CDKAL1: variants seen among roughly 807,000 people sequenced by gnomAD.
CDKAL1 encodes threonylcarbamoyladenosine tRNA methylthiotransferase.
Under a neutral mutation model 68.2 loss-of-function variants are expected in CDKAL1, and 32 were observed. The ratio of observed to expected loss-of-function variants is 0.47; its 90% confidence interval spans 0.35 to 0.63. CDKAL1 has a LOEUF of 0.63. Among genes scored for constraint, CDKAL1 ranks in the 30% least tolerant of loss-of-function variants. CDKAL1 has a pLI of 0.00. For missense variants in CDKAL1, 606 were observed against 696.7 expected, an observed-to-expected ratio of 0.87 and a Z score of 1.47; for synonymous variants, 234 against 244.3, an observed-to-expected ratio of 0.96 and a Z score of 0.39.
chr6:20,558,535 G>A, intron 4 of CDKAL1: 2 of 456,718 alleles, frequency 4.4e-6, no homozygotes, highest in Middle Eastern at 3.3e-4. Flanking sequence ...CAGACCTTGT[G>A]TTATAGGTGA....
chr6:21,066,664 C>T (rs924814215), intron 12 of CDKAL1, among the ~76,000 whole-genome samples: 4 of 152,168 alleles, frequency 2.6e-5, no homozygotes, highest in Non-Finnish European at 4.4e-5. Flanking sequence ...CTCTGTTGCC[C>T]AGGCTGGAGT....
At chr6:20,958,615 A>T (rs1227178275) in intron 10 of CDKAL1, among the ~76,000 whole-genome samples, 1 of 152,222 alleles carries the variant, frequency 6.6e-6, no homozygotes, top group Non-Finnish European at 1.5e-5. Context: ...GAAGATGAAA[A>T]CAGAAAAAAA....
chr6:21,040,629 T>C (rs1769867566), intron 11 of CDKAL1, among the ~76,000 whole-genome samples: 1 of 152,206 alleles, frequency 6.6e-6, no homozygotes, highest in African/African-American at 2.4e-5. Context: ...TAATTTCAAA[T>C]TTATTAAAAT....
chr6:20,781,241 T>C lies in CDKAL1; in HGVS notation c.614T>C (p.Ile205Thr). 1 of 1,613,452 alleles carries C rather than the reference T, an allele frequency of 6.2e-7. No individual in the cohort carries two copies. Among genetic ancestry groups the C allele is most frequent in the Non-Finnish European group, 8.5e-7 (1 of 1,179,722 alleles). The change falls in exon 8 of 16, where the codon ATA becomes ACA. Residue 205 changes from isoleucine to threonine, a missense_variant. Transcript: ENST00000274695. ...DLPKIRKNPL[I>T]EIISINTGCL... Reference sequence around the variant, plus strand: ...CCGAAGATTAGGAAGAATCCACTGATAGAAATCATTTCCATCAATACCGGG... The same window carrying C: ...CCGAAGATTAGGAAGAATCCACTGACAGAAATCATTTCCATCAATACCGGG...
intron 9 of CDKAL1, among the ~76,000 whole-genome samples, chr6:20,865,034 A>G (rs1759827128): frequency 6.6e-6 from 1 of 152,166 alleles, no homozygotes; most frequent in Non-Finnish European, 1.5e-5. Flanking sequence ...GTGTGTATCA[A>G]ATAATTTTCC....
At chr6:21,153,235 C>CTTTTTTTTTTT (rs1162272560) in intron 13 of CDKAL1, among the ~76,000 whole-genome samples, 1 of 96,220 alleles carries the variant, frequency 1.0e-5, no homozygotes, top group Admixed American at 1.1e-4. Context: ...TATGTGATTT[C>CTTTTTTTTTTT]TTTTTTTTTT....
chr6:21,045,713 G>A (rs1015782548), intron 11 of CDKAL1, among the ~76,000 whole-genome samples: 9 of 152,332 alleles, frequency 5.9e-5, no homozygotes, highest in African/African-American at 1.9e-4. Context: ...CTAGCTCTGT[G>A]TCCATGGACA....
chr6:20,750,825 G>C (rs1340914974), intron 6 of CDKAL1, among the ~76,000 whole-genome samples: 2 of 151,766 alleles, frequency 1.3e-5, no homozygotes, highest in South Asian at 2.1e-4. Flanking sequence ...TTAGCCGGGT[G>C]TGGTGGCAGG....
At chr6:20,998,108 G>C (rs1188733257) in intron 10 of CDKAL1, among the ~76,000 whole-genome samples, 1 of 152,186 alleles carries the variant, frequency 6.6e-6, no homozygotes, top group East Asian at 1.9e-4. Context: ...CACCGCAATA[G>C]ATATGTCTAA....
At chr6:21,101,294 G>A (rs984519138) in intron 12 of CDKAL1, among the ~76,000 whole-genome samples, 20 of 152,128 alleles carry the variant, frequency 1.3e-4, no homozygotes, top group African/African-American at 3.6e-4. Flanking sequence ...GGAAATACCC[G>A]AGAGCTTTTA....
chr6:20,535,754 ACCTC>A (rs1012389139), intron 2 of CDKAL1, among the ~76,000 whole-genome samples: 5 of 151,452 alleles, frequency 3.3e-5, no homozygotes, highest in Admixed American at 3.3e-4. Flanking sequence ...ACCTTCTCCT[ACCTC>A]TGTTCTCTTT....
At chr6:21,193,782 C>T (rs1005562258) in intron 13 of CDKAL1, among the ~76,000 whole-genome samples, 5 of 152,300 alleles carry the variant, frequency 3.3e-5, no homozygotes, top group Admixed American at 3.3e-4. Flanking sequence ...TGTTACAATT[C>T]TCTTGACGCC....
chr6:20,623,400 A>G (rs1486853770), intron 4 of CDKAL1, among the ~76,000 whole-genome samples: 1 of 152,084 alleles, frequency 6.6e-6, no homozygotes, highest in African/African-American at 2.4e-5. Flanking sequence ...TATATAACAT[A>G]GTTTGTCAGC....
At chr6:20,667,059 G>A (rs566792559) in intron 5 of CDKAL1, among the ~76,000 whole-genome samples, 36 of 152,268 alleles carry the variant, frequency 2.4e-4, no homozygotes, top group Admixed American at 1.8e-3. Context: ...CCATTTGGCA[G>A]CAAATATCCA....
intron 10 of CDKAL1, among the ~76,000 whole-genome samples, chr6:20,968,272 T>C: frequency 6.6e-6 from 1 of 151,302 alleles, no homozygotes; most frequent in East Asian, 2.0e-4. Context: ...ACTTCTCTCA[T>C]GTCAGCATCC....
At chr6:21,180,096 C>T (rs573077605) in intron 13 of CDKAL1, among the ~76,000 whole-genome samples, 1 of 152,338 alleles carries the variant, frequency 6.6e-6, no homozygotes, top group Non-Finnish European at 1.5e-5. Context: ...ACCCAAAGGG[C>T]ATTGGTTTCC....
chr6:20,575,025 T>C (rs1474720), intron 4 of CDKAL1, among the ~76,000 whole-genome samples: 125,329 of 152,082 alleles, frequency 0.82, 52,216 homozygotes, highest in African/African-American at 0.95. Context: ...TATTTCACAA[T>C]ATAATAACTA....
chr6:20,836,866 C>T (rs942522182), intron 8 of CDKAL1, among the ~76,000 whole-genome samples: 4 of 152,006 alleles, frequency 2.6e-5, no homozygotes, highest in Admixed American at 6.6e-5. Flanking sequence ...AGCTGAGGTC[C>T]GCGTGGGAAA....
rs1773959358 is a variant in CDKAL1 at position 21,108,400 on chromosome 6, G to T, written c.1237-1G>T. On this transcript the variant is annotated splice_acceptor_variant, in intron 12 of 15. Transcript: ENST00000274695. LOFTEE classifies it high-confidence loss of function. ...TTTGTTTTTTTTGTTTTTTTTCACA[G>T]AAAAAGCAAAGGACAAAAGATCTTT... 1 of 1,597,736 alleles carries T rather than the reference G, an allele frequency of 6.3e-7. No homozygotes were observed. Among genetic ancestry groups the T allele is most frequent in the African/African-American group, 1.4e-5 (1 of 73,264 alleles).
Sources: allele counts gnomAD v4.1 joint callset (sites outside exome capture counted in the v4.1 genomes callset), GRCh38; gene constraint gnomAD v4.1.1; transcripts MANE v1.5; gene names NCBI Gene and HGNC (gene_info 2026-07-23, HGNC 2026-07-21).